RBPMS: variants seen among roughly 807,000 people sequenced by gnomAD.
The protein encoded by RBPMS is RNA-binding protein with multiple splicing.
A neutral mutation model predicts 26.8 loss-of-function variants in RBPMS; 7 were observed. That is an observed-to-expected ratio of 0.26 (90% CI 0.15 to 0.49). The LOEUF is 0.49. Among genes scored for constraint, RBPMS ranks in the 20% least tolerant of loss-of-function variants. The pLI is 0.98. For missense variants in RBPMS, 186 were observed against 250.0 expected, an observed-to-expected ratio of 0.74 and a Z score of 1.73; for synonymous variants, 96 against 93.3, an observed-to-expected ratio of 1.03 and a Z score of -0.17.
At chr8:30,453,520 CTTA>C (rs1814849588) in intron 1 of RBPMS, 1 of 152,158 alleles carries the variant, frequency 6.6e-6, no homozygotes, top group African/African-American at 2.4e-5. Flanking sequence ...GAATTGTTCT[CTTA>C]TTACATTATT....
At chr8:30,551,714 C>CA (rs1563442783) in intron 6 of RBPMS, among the ~76,000 whole-genome samples, 1 of 152,198 alleles carries the variant, frequency 6.6e-6, no homozygotes, top group Non-Finnish European at 1.5e-5. Context: ...GCCCAACTGT[C>CA]ACAGTCGGGT....
At chr8:30,493,751 T>A (rs1819639888) in intron 4 of RBPMS, among the ~76,000 whole-genome samples, 1 of 152,182 alleles carries the variant, frequency 6.6e-6, no homozygotes, top group Non-Finnish European at 1.5e-5. Context: ...TTCAGAATGG[T>A]TTGAGAACAT....
chr8:30,543,951 A>C (rs1825644506), intron 5 of RBPMS, among the ~76,000 whole-genome samples: 1 of 152,212 alleles, frequency 6.6e-6, no homozygotes, highest in African/African-American at 2.4e-5. Flanking sequence ...CTGTGGTCAC[A>C]GTATTTGGCC....
intron 6 of RBPMS, chr8:30,552,770 A>G (rs939634302): frequency 4.6e-5 from 7 of 152,234 alleles, no homozygotes; most frequent in Non-Finnish European, 5.9e-5. Context: ...TAGGACAGAC[A>G]GGAAAAGAGT....
chr8:30,553,599 T>A (rs1826578573), intron 6 of RBPMS: 1 of 152,194 alleles, frequency 6.6e-6, no homozygotes, highest in Non-Finnish European at 1.5e-5. Flanking sequence ...GTGTGAGTGG[T>A]TCCCTGCAGT....
At chr8:30,489,056 T>C (rs1819094528) in intron 4 of RBPMS, among the ~76,000 whole-genome samples, 1 of 152,170 alleles carries the variant, frequency 6.6e-6, no homozygotes, top group Admixed American at 6.5e-5. Context: ...TTTTTGATTT[T>C]TTGTTGTTAA....
At chr8:30,511,778 C>T (rs1184295181) in intron 5 of RBPMS, among the ~76,000 whole-genome samples, 2 of 151,370 alleles carry the variant, frequency 1.3e-5, no homozygotes, top group Non-Finnish European at 2.9e-5. Flanking sequence ...GAGCTGAGAT[C>T]GCACCATTCC....
At chr8:30,556,342 C>T in intron 6 of RBPMS, 1 of 985,622 alleles carries the variant, frequency 1.0e-6, no homozygotes, top group South Asian at 4.7e-5. Context: ...TGAAGACGGG[C>T]TGCACGCTCG....
At chr8:30,569,208 T>G (rs1828100855) in intron 8 of RBPMS, among the ~76,000 whole-genome samples, 1 of 152,212 alleles carries the variant, frequency 6.6e-6, no homozygotes, top group Non-Finnish European at 1.5e-5. Flanking sequence ...CATGTCTCAG[T>G]GCCACATGCC....
rs535794589 is a variant in RBPMS at position 30,445,643 on chromosome 8, C to T, written c.67-29136C>T. Reference sequence around the variant, plus strand: ...GTATACACACACATATGTAGATATACACACGGATATATATATATATATATA... The same window carrying T: ...GTATACACACACATATGTAGATATATACACGGATATATATATATATATATA... On this transcript the variant is annotated intron_variant, in intron 1 of 8. Coordinates refer to ENST00000397323, the MANE Select transcript of RBPMS (RefSeq NM_001008710.3). 2.6e-3 allele frequency among the ~76,000 whole-genome samples: 140 copies of T among 53,012 alleles called. 3 individuals carry two copies. Among genetic ancestry groups the T allele is most frequent in the Non-Finnish European group, 4.3e-3 (128 of 29,470 alleles). 34.8% of individuals were successfully genotyped at this position (53,012 alleles called of 152,430 possible).
intron 1 of RBPMS, among the ~76,000 whole-genome samples, chr8:30,420,227 CAA>C (rs757041021): frequency 2.1e-4 from 27 of 126,022 alleles, no homozygotes; most frequent in Admixed American, 1.6e-4. Flanking sequence ...GACCCTGCTT[CAA>C]AAAAAAAAAA....
intron 1 of RBPMS, among the ~76,000 whole-genome samples, chr8:30,464,633 A>G (rs1415200577): frequency 1.3e-5 from 2 of 152,254 alleles, no homozygotes; most frequent in Non-Finnish European, 2.9e-5. Context: ...CTGGTACTTT[A>G]AATGACCATG....
At chr8:30,473,596 A>G (rs1222643903) in intron 1 of RBPMS, among the ~76,000 whole-genome samples, 1 of 152,190 alleles carries the variant, frequency 6.6e-6, no homozygotes, top group Non-Finnish European at 1.5e-5. Context: ...ATTACTGGAT[A>G]TATACCCAAA....
chr8:30,492,254 A>G (rs1819478940), intron 4 of RBPMS, among the ~76,000 whole-genome samples: 1 of 152,170 alleles, frequency 6.6e-6, no homozygotes, highest in African/African-American at 2.4e-5. Context: ...TTAATTATTC[A>G]ACTTATCTTT....
rs1050789359 is a variant in RBPMS, at chr8:30,571,556, A to G, written c.*1031A>G. ...GTGGGCAGCTCATGTCTGTATCTCC[A>G]AAGTGATGTTTGTTTGCAAAACACC... On this transcript the variant is annotated 3_prime_UTR_variant, in exon 9 of 9. Transcript: ENST00000397323. The G allele has an allele frequency of 6.6e-5, 10 of 152,270 alleles. No homozygotes were observed. Among genetic ancestry groups the G allele is most frequent in the African/African-American group, 2.4e-4 (10 of 41,458 alleles). The allele number at this position is 152,270 out of a possible 1,614,324, so 9.4% of individuals were successfully genotyped here.
At chr8:30,427,797 C>G (rs1811517535) in intron 1 of RBPMS, among the ~76,000 whole-genome samples, 1 of 152,106 alleles carries the variant, frequency 6.6e-6, no homozygotes. Flanking sequence ...AGCTTTGTGA[C>G]TTGCCATCTC....
chr8:30,384,864 CT>C lies in RBPMS; in HGVS notation c.-228del, dbSNP rs1318123671. On this transcript the variant is annotated 5_prime_UTR_variant, in exon 1 of 9. Coordinates refer to ENST00000397323, the MANE Select transcript of RBPMS (RefSeq NM_001008710.3). The surrounding 1 kb of genome is among the most constrained non-coding windows in gnomAD (Gnocchi z 5.6). ...TCCCGGCCCGCGCCCTGCCCCGTCT[CT>C]CCCTTGCACTTCCTGAGTCGCCCGC... is the stretch of plus-strand genomic sequence containing the variant. The C allele has an allele frequency of 2.9e-6, 1 of 340,430 alleles. No individual in the cohort carries two copies. The highest frequency in any genetic ancestry group is 5.2e-6 in the Non-Finnish European group (1 of 190,726). The allele number at this position is 340,430 out of a possible 1,614,324, so 21.1% of individuals were successfully genotyped here. A position where few individuals can be genotyped will look rare whatever the true frequency, so the allele number is the denominator to read the frequency against.
intron 1 of RBPMS, among the ~76,000 whole-genome samples, chr8:30,440,569 T>C (rs1812958342): frequency 6.6e-6 from 1 of 152,200 alleles, no homozygotes; most frequent in Non-Finnish European, 1.5e-5. Context: ...TTCTGTCAAA[T>C]GGATGTTTGG....
chr8:30,488,716 A>G (rs1383066093), intron 4 of RBPMS, among the ~76,000 whole-genome samples: 1 of 152,240 alleles, frequency 6.6e-6, no homozygotes, highest in Non-Finnish European at 1.5e-5. Context: ...AAAAAATTTT[A>G]ATACACTGAC....
Sources: gnomAD v4.1 joint callset for allele counts (sites outside exome capture counted in the v4.1 genomes callset) on GRCh38, gnomAD v4.1.1 for gene constraint, Gnocchi (gnomAD v3.1) non-coding constraint, MANE v1.5 for transcripts, NCBI Gene and HGNC (gene_info 2026-07-23, HGNC 2026-07-21) for gene names.